Variants in SYNE2 observed in about 807,000 individuals in gnomAD.
SYNE2 encodes the protein spectrin repeat containing nuclear envelope protein 2, also known as nesprin-2.
In SYNE2, 431 loss-of-function variants were observed where a neutral mutation model predicts 856.3. The observed-to-expected ratio is 0.50, with a 90% CI of 0.47 to 0.55. The LOEUF is 0.55. SYNE2 is among the 20% of genes least tolerant of loss of function. The pLI, the probability that SYNE2 is intolerant of heterozygous loss-of-function variation, is 0.00. For synonymous variants in SYNE2, 2,923 were observed against 2,872.3 expected (o/e 1.02, Z -0.56); for missense variants, 8,129 against 8,023.2 (o/e 1.01, Z -0.50).
chr14:64,010,198 C>T (rs1007075729), intron 32 of SYNE2, 82 bp downstream of exon 32: 1 of 1,445,708 alleles, frequency 6.9e-7, no homozygotes, highest in African/African-American at 1.4e-5. Context: ...TAGATTAAGT[C>T]TTTTTTGAAA....
At chr14:63,862,862 A>C (rs1362872302) in intron 1 of SYNE2, among the ~76,000 whole-genome samples, 3 of 151,220 alleles carry the variant, frequency 2.0e-5, no homozygotes, top group African/African-American at 7.3e-5. Flanking sequence ...CAGTGGCGTG[A>C]TCTTGGCTCA....
intron 2 of SYNE2, among the ~76,000 whole-genome samples, chr14:63,914,259 A>G (rs2095509536): frequency 6.6e-6 from 1 of 152,234 alleles, no homozygotes; most frequent in Non-Finnish European, 1.5e-5. Flanking sequence ...GTAATGTTGG[A>G]TAAGTATCAC....
At chr14:63,799,776 T>C (rs144292625) in intron 1 of SYNE2, among the ~76,000 whole-genome samples, 1 of 152,328 alleles carries the variant, frequency 6.6e-6, no homozygotes, top group Non-Finnish European at 1.5e-5. Flanking sequence ...ATTACTCAAG[T>C]ATTTCTTCCA....
chr14:64,179,596 A>T (rs935155714), intron 96 of SYNE2, among the ~76,000 whole-genome samples: 2 of 152,080 alleles, frequency 1.3e-5, no homozygotes, highest in Non-Finnish European at 2.9e-5. Context: ...ATTTTTTTTT[A>T]AACTTTTGCT....
At chr14:64,139,134 C>T (rs1394864899) in intron 79 of SYNE2, among the ~76,000 whole-genome samples, 1 of 151,888 alleles carries the variant, frequency 6.6e-6, no homozygotes, top group African/African-American at 2.4e-5. Context: ...CAGCACATGC[C>T]ACCACGCCCT....
chr14:63,814,568 C>G (rs1025180863), intron 1 of SYNE2, among the ~76,000 whole-genome samples: 2 of 135,294 alleles, frequency 1.5e-5, no homozygotes, highest in Non-Finnish European at 3.1e-5. Context: ...TAATATATAT[C>G]CTTATATGTA....
chr14:63,990,808 T>C, intron 20 of SYNE2, 134 bp from the exon 21 acceptor site: 1 of 809,742 alleles, frequency 1.2e-6, no homozygotes, highest in South Asian at 1.6e-5. Flanking sequence ...ATTTATAATT[T>C]AGATAGATTT....
chr14:63,773,171 A>G (rs1886984264), intron 1 of SYNE2, among the ~76,000 whole-genome samples: 1 of 151,604 alleles, frequency 6.6e-6, no homozygotes, highest in Non-Finnish European at 1.5e-5. Context: ...TTGTTATTAT[A>G]AATTTATTTA....
chr14:64,061,150 C>T (rs2097313849), intron 49 of SYNE2, among the ~76,000 whole-genome samples: 1 of 152,194 alleles, frequency 6.6e-6, no homozygotes, highest in African/African-American at 2.4e-5. Context: ...AGATAGGTGT[C>T]AAATTCGGTG....
At chr14:64,149,551 T>C (rs1446238361) in intron 84 of SYNE2, among the ~76,000 whole-genome samples, 1 of 152,152 alleles carries the variant, frequency 6.6e-6, no homozygotes, top group African/African-American at 2.4e-5. Flanking sequence ...CAAGGAAAAT[T>C]GTATAGTTGA....
intron 1 of SYNE2, among the ~76,000 whole-genome samples, chr14:63,788,762 G>A (rs1887632697): frequency 1.3e-5 from 2 of 152,222 alleles, no homozygotes; most frequent in South Asian, 4.1e-4. Context: ...ACACTGATGA[G>A]GAATGTAAAT....
intron 96 of SYNE2, among the ~76,000 whole-genome samples, chr14:64,181,863 A>G (rs1351473803): frequency 2.6e-5 from 4 of 152,256 alleles, no homozygotes; most frequent in African/African-American, 4.8e-5. Flanking sequence ...AATTGCTACA[A>G]TGGACATCTG....
intron 2 of SYNE2, among the ~76,000 whole-genome samples, chr14:63,927,778 G>A (rs2095689092): frequency 6.6e-6 from 1 of 151,924 alleles, no homozygotes; most frequent in Admixed American, 6.6e-5. Context: ...TGCAGTCCCA[G>A]CTACTCGGGA....
intron 70 of SYNE2, 97 bp from the exon 71 acceptor site, chr14:64,124,982 G>A (rs560946711): frequency 1.5e-5 from 23 of 1,500,270 alleles, no homozygotes; most frequent in African/African-American, 5.6e-5. Context: ...CAGCCTGGGC[G>A]ACAGAGCAAG....
At chr14:64,026,518 T>G in intron 41 of SYNE2, 61 bp from the exon 42 acceptor site, 3 of 1,291,060 alleles carry the variant, frequency 2.3e-6, no homozygotes, top group Non-Finnish European at 3.3e-6. Context: ...AATAAAGAGA[T>G]AGCATGTAGT....
chr14:63,793,428 T>C (rs911526664), intron 1 of SYNE2, among the ~76,000 whole-genome samples: 16 of 152,218 alleles, frequency 1.1e-4, no homozygotes, highest in Admixed American at 9.8e-4. Context: ...GAGCAGCAGT[T>C]CCATTTCTAC....
chr14:63,919,009 A>G (rs1031166690), intron 2 of SYNE2, among the ~76,000 whole-genome samples: 3 of 152,172 alleles, frequency 2.0e-5, no homozygotes, highest in Non-Finnish European at 4.4e-5. Flanking sequence ...GATGTCTTCA[A>G]AATAGCATAT....
At chr14:64,113,637 T>C in intron 66 of SYNE2, 66 bp downstream of exon 66, 1 of 1,496,496 alleles carries the variant, frequency 6.7e-7, no homozygotes, top group Non-Finnish European at 9.1e-7. Context: ...ATTGGGTGAA[T>C]TTCTCTTAAA....
intron 85 of SYNE2, 125 bp from the exon 86 acceptor site, chr14:64,158,500 T>A: frequency 9.8e-7 from 1 of 1,024,260 alleles, no homozygotes. Flanking sequence ...CACCTTCAGT[T>A]AATCACTGGT....
Sources: allele counts gnomAD v4.1 joint callset (sites outside exome capture counted in the v4.1 genomes callset), GRCh38; gene constraint gnomAD v4.1.1; transcripts MANE v1.5; gene names NCBI Gene and HGNC (gene_info 2026-07-23, HGNC 2026-07-21).